The following PRMT9 variants were observed in gnomAD, a reference collection of about 807,000 sequenced individuals.
PRMT9 encodes the protein protein arginine methyltransferase 9.
Under a neutral mutation model 83.2 loss-of-function variants are expected in PRMT9, and 59 were observed. The ratio of observed to expected loss-of-function variants is 0.71; its 90% CI spans 0.57 to 0.88. PRMT9 has a LOEUF of 0.88. Ranked by LOEUF, PRMT9 falls within the 40% of genes least tolerant of loss-of-function variation. The probability of loss-of-function intolerance (pLI) is 0.00; values close to 1 mark genes in which losing one functional copy is unlikely to be tolerated. For synonymous variants in PRMT9, 333 were observed against 353.2 expected, an observed-to-expected ratio of 0.94 and a Z score of 0.64; for missense variants, 947 against 1,021.9, an observed-to-expected ratio of 0.93 and a Z score of 1.00.
Position 147,638,573 on chromosome 4 carries a change from G to A in PRMT9, c.2497C>T (p.Gln833Ter). 6.2e-7 allele frequency: 1 copy of A among 1,613,838 alleles called. No homozygotes were observed. The highest frequency in any genetic ancestry group is 8.5e-7 in the Non-Finnish European group (1 of 1,179,852). ...EMGEELVLSI[Q>*]HHKSNVSITV... Reference sequence around the variant, plus strand: ...ATGCTGACATTGCTTTTGTGATGCTGAATGCTGAGTACAAGTTCCTCTCCC... The same window carrying A: ...ATGCTGACATTGCTTTTGTGATGCTAAATGCTGAGTACAAGTTCCTCTCCC... The change falls in exon 12 of 12, where the codon CAG (glutamine) becomes TAG (stop). Residue 833 changes from glutamine to a stop codon, truncating the protein, a stop_gained. Transcript: ENST00000322396. LOFTEE classifies it high-confidence loss of function.
chr4:147,640,008 A>G (rs1733275483), intron 10 of PRMT9, among the ~76,000 whole-genome samples: 1 of 132,102 alleles, frequency 7.6e-6, no homozygotes, highest in Non-Finnish European at 1.6e-5. Context: ...CTGAACCCAT[A>G]CCTCATAGTC....
At chr4:147,669,895 A>G (rs1735615500) in intron 5 of PRMT9, among the ~76,000 whole-genome samples, 1 of 152,234 alleles carries the variant, frequency 6.6e-6, no homozygotes, top group South Asian at 2.1e-4. Flanking sequence ...GTCCTGTCCA[A>G]GCCATAGCCT....
Position 147,668,755 on chromosome 4 carries a change from A to G in PRMT9, c.847-110T>C, listed in dbSNP as rs1183588933. On this transcript the variant is annotated intron_variant, in intron 5 of 11. Coordinates refer to ENST00000322396, the MANE Select transcript of PRMT9 (RefSeq NM_138364.4). ...AAAAAACCTAAAAAGACAATAAGTA[A>G]GGATAAAGTAAGTTAAAGGTTTTTT... The G allele has an allele frequency of 3.0e-5, 22 of 733,856 alleles. No homozygotes were observed. In the East Asian group the frequency reaches 5.7e-4, roughly 19 times the overall value. The allele number at this position is 733,856 out of a possible 1,614,324, so 45.5% of individuals were successfully genotyped here.
chr4:147,638,220 A>G lies in PRMT9; in HGVS notation c.*312T>C. 3.2e-6 allele frequency: 1 copy of G among 316,498 alleles called. No homozygotes were observed. The allele number at this position is 316,498 out of a possible 1,614,324, so 19.6% of individuals were successfully genotyped here. A position where few individuals can be genotyped will look rare whatever the true frequency, so the allele number is the denominator to read the frequency against. On this transcript the variant is annotated 3_prime_UTR_variant, in exon 12 of 12. Coordinates refer to ENST00000322396, the MANE Select transcript of PRMT9 (RefSeq NM_138364.4). ...AAAAGGCCAAGATGCCTACAAAAGT[A>G]AAGTTTTGCTTTACTTACACATGTC...
At chr4:147,654,604 A>T (rs1734361073) in intron 8 of PRMT9, 38 bp from the exon 9 acceptor site, 1 of 1,320,310 alleles carries the variant, frequency 7.6e-7, no homozygotes, top group Non-Finnish European at 1.1e-6. Flanking sequence ...AATATGGAGT[A>T]CTTATAAGCC....
At position 147,670,526 on chromosome 4, in the gene PRMT9, A is replaced by C. The variant is rs369345136; in HGVS notation, c.846+115T>G. On this transcript the variant is annotated intron_variant, in intron 5 of 11. Transcript: ENST00000322396. ...TTCTTTCCAACCACACAGTATGTAC[A>C]CCTTGGCAATGGAAAATATATTTCA... 131 of 830,092 alleles carry C rather than the reference A, an allele frequency of 1.6e-4. No homozygotes were observed. The East Asian group carries it at 3.1e-3, about 20-fold the overall frequency. 51.4% of individuals were successfully genotyped at this position (830,092 alleles called of 1,614,324 possible).
intron 2 of PRMT9, among the ~76,000 whole-genome samples, chr4:147,676,065 C>T (rs1219241539): frequency 6.6e-6 from 1 of 152,200 alleles, no homozygotes; most frequent in Non-Finnish European, 1.5e-5. Flanking sequence ...AAGCCACATT[C>T]ACACTATCCC....
chr4:147,639,088 G>A lies in PRMT9; in HGVS notation c.2200-6C>T. 1.2e-6 allele frequency: 2 copies of A among 1,613,174 alleles called. No homozygotes were observed. The highest frequency in any genetic ancestry group is 1.3e-5 in the African/African-American group (1 of 75,040). ...AAAAATACACGTATAGGTACCTAGA[G>A]AAAGTATAAATTTTTCACTTTCACT... On this transcript the variant is annotated splice_region_variant and splice_polypyrimidine_tract_variant and intron_variant, in intron 10 of 11. Transcript: ENST00000322396.
chr4:147,670,521 T>C (rs1560995497), intron 5 of PRMT9, 120 bp downstream of exon 5: 33 of 801,726 alleles, frequency 4.1e-5, no homozygotes, highest in Non-Finnish European at 6.2e-5. Flanking sequence ...CCACACAGTA[T>C]GTACACCTTG....
chr4:147,654,549 C>T lies in PRMT9; in HGVS notation c.1348G>A (p.Gly450Arg). 2.5e-6 allele frequency: 4 copies of T among 1,611,954 alleles called. No individual in the cohort carries two copies. The highest frequency in any genetic ancestry group is 2.5e-6 in the Non-Finnish European group (3 of 1,178,522). Residue 450 changes from glycine to arginine, a missense_variant, in exon 9 of 12, where the codon GGA becomes AGA. Physicochemically the swap from Gly to Arg is moderately radical, Grantham distance 125. Transcript: ENST00000322396. ...QDLADYWIKPGDHVMMEVSCQ... is the reference protein window; with the variant it reads ...QDLADYWIKPRDHVMMEVSCQ... ...GATACTTCCATCATCACATGGTCTC[C>T]AGGCTTTATCCAGTAGTCTTCATTA... is the stretch of plus-strand genomic sequence containing the variant.
intron 6 of PRMT9, among the ~76,000 whole-genome samples, chr4:147,662,674 C>T (rs1735047962): frequency 6.6e-6 from 1 of 151,974 alleles, no homozygotes; most frequent in Non-Finnish European, 1.5e-5. Context: ...TGGTGTGTGC[C>T]TAGAGTTCTA....
At chr4:147,649,980 T>C (rs1236261603) in intron 9 of PRMT9, among the ~76,000 whole-genome samples, 1 of 152,182 alleles carries the variant, frequency 6.6e-6, no homozygotes, top group African/African-American at 2.4e-5. Flanking sequence ...AATCACACTT[T>C]CATTATAAAA....
chr4:147,647,991 A>C (rs367649124), intron 9 of PRMT9, among the ~76,000 whole-genome samples: 2 of 150,342 alleles, frequency 1.3e-5, no homozygotes, highest in Non-Finnish European at 3.0e-5. Context: ...ATATTTACGG[A>C]TTTATTACAA....
At chr4:147,642,096 C>T (rs1383464343) in intron 10 of PRMT9, among the ~76,000 whole-genome samples, 4 of 152,178 alleles carry the variant, frequency 2.6e-5, no homozygotes, top group African/African-American at 7.2e-5. Context: ...GCTGCTGATA[C>T]TTATCAGCTG....
intron 7 of PRMT9, among the ~76,000 whole-genome samples, chr4:147,658,361 GAA>G (rs1304137219): frequency 1.3e-5 from 2 of 151,876 alleles, no homozygotes; most frequent in African/African-American, 4.8e-5. Flanking sequence ...GAGAGAGTGA[GAA>G]AGAGAGAGAG....
At chr4:147,656,623 T>C (rs1240984928) in intron 8 of PRMT9, among the ~76,000 whole-genome samples, 1 of 151,320 alleles carries the variant, frequency 6.6e-6, no homozygotes, top group African/African-American at 2.4e-5. Flanking sequence ...ATACAAAAAA[T>C]TAGCTGGGCG....
intron 1 of PRMT9, among the ~76,000 whole-genome samples, chr4:147,680,974 C>T (rs377403000): frequency 6.6e-6 from 1 of 152,266 alleles, no homozygotes; most frequent in African/African-American, 2.4e-5. Flanking sequence ...TAGTCCAACT[C>T]AAATATTTCC....
chr4:147,648,439 G>A (rs1218739235), intron 9 of PRMT9, among the ~76,000 whole-genome samples: 3 of 152,182 alleles, frequency 2.0e-5, no homozygotes, highest in Non-Finnish European at 4.4e-5. Context: ...AGAGGGCATG[G>A]AAGCCCCATG....
chr4:147,683,816 G>T lies in PRMT9; in HGVS notation c.172C>A (p.Leu58Met). 1 of 1,600,450 alleles carries T rather than the reference G, an allele frequency of 6.2e-7. No homozygotes were observed. Among genetic ancestry groups the T allele is most frequent in the Non-Finnish European group, 8.5e-7 (1 of 1,173,434 alleles). The change falls in exon 1 of 12, where the codon CTG (leucine) becomes ATG (methionine). Residue 58 changes from leucine to methionine, a missense_variant. Coordinates refer to ENST00000322396, the MANE Select transcript of PRMT9 (RefSeq NM_138364.4). ...ACCCTCACCTTCACGTCGTGTTTCA[G>T]CTCCGGCGCCAGGCTGAGCACGAGG... is the stretch of plus-strand genomic sequence containing the variant. The part of the protein sequence containing the change: ...YLLVLSLAPE[L>M]KHDVKETFQY...
Sources: allele counts gnomAD v4.1 joint callset (sites outside exome capture counted in the v4.1 genomes callset), GRCh38; gene constraint gnomAD v4.1.1; transcripts MANE v1.5; gene names NCBI Gene and HGNC (gene_info 2026-07-23, HGNC 2026-07-21).